The following CCAR1 variants were observed in gnomAD, a reference collection of about 807,000 sequenced individuals.
CCAR1 encodes the protein cell division cycle and apoptosis regulator 1.
Under a neutral mutation model 163.8 loss-of-function variants are expected in CCAR1, and 78 were observed. The ratio of observed to expected loss-of-function variants is 0.48; its 90% CI spans 0.40 to 0.57. CCAR1 has a LOEUF of 0.57. CCAR1 is among the 20% of genes least tolerant of loss of function. The pLI, the probability that CCAR1 is intolerant of heterozygous loss-of-function variation, is 0.00. For synonymous variants in CCAR1, 443 were observed against 460.7 expected (o/e 0.96, Z 0.49); for missense variants, 1,019 against 1,365.2 (o/e 0.75, Z 4.00).
rs1265830731 is a variant in CCAR1 at position 68,786,325 on chromosome 10, A to C, written c.2733+107A>C. On this transcript the variant is annotated intron_variant, in intron 20 of 24. Transcript: ENST00000265872. ...TCCTTATACATCTTTATTACCACTA[A>C]GTAAAATTCTGTCAGTTGTTTTTTT... 3.5e-6 allele frequency: 3 copies of C among 862,866 alleles called. No homozygotes were observed. The African/African-American group carries it at 5.1e-5, about 15-fold the overall frequency. 53.5% of individuals were successfully genotyped at this position (862,866 alleles called of 1,614,324 possible). A position where few individuals can be genotyped will look rare whatever the true frequency, so the allele number is the denominator to read the frequency against.
rs780278381 is a variant in CCAR1 at position 68,756,310 on chromosome 10, G to A, written c.1663G>A (p.Glu555Lys). 1.2e-6 allele frequency: 2 copies of A among 1,614,054 alleles called. No individual in the cohort carries two copies. The highest frequency in any genetic ancestry group is 1.7e-6 in the Non-Finnish European group (2 of 1,180,010). ...FAEIRYHRPE[E>K]THKGRTVPAH... ...AGAGATTCGCTACCATCGCCCTGAG[G>A]AGACCCACAAGGGGCGTACAGTTCC... Residue 555 changes from glutamate (E) to lysine (K), a missense_variant, in exon 14 of 25, where the codon GAG becomes AAG. Around this residue, in one of 4 missense-constraint regions of CCAR1, gnomAD observed 644 missense variants for 904.4 expected, o/e 0.71. Coordinates refer to ENST00000265872, the MANE Select transcript of CCAR1 (RefSeq NM_018237.4). The surrounding 1 kb of genome is among the most constrained non-coding windows in gnomAD (Gnocchi z 5.1).
chr10:68,765,052 AC>A (rs2133385189), intron 16 of CCAR1, among the ~76,000 whole-genome samples: 1 of 151,890 alleles, frequency 6.6e-6, no homozygotes, highest in East Asian at 1.9e-4. Flanking sequence ...TTCTGCTCTT[AC>A]GTTTTGTTGT....
intron 15 of CCAR1, chr10:68,760,769 CAGG>C (rs1335482375): frequency 1.2e-5 from 3 of 257,454 alleles, no homozygotes; most frequent in South Asian, 1.6e-4. Context: ...GGGGCTGAGA[CAGG>C]AGAATTGCTT....
chr10:68,754,317 T>C (rs1005660147), intron 11 of CCAR1, among the ~76,000 whole-genome samples: 1 of 152,188 alleles, frequency 6.6e-6, no homozygotes, highest in Non-Finnish European at 1.5e-5. Flanking sequence ...GAAGATAAAG[T>C]TGATATTAAT....
intron 6 of CCAR1, among the ~76,000 whole-genome samples, chr10:68,743,985 G>A (rs1424511235): frequency 6.6e-5 from 10 of 152,070 alleles, no homozygotes; most frequent in African/African-American, 2.2e-4. Flanking sequence ...TCCTGACCTC[G>A]TCATCCACCT....
chr10:68,774,901 T>G (rs2056645072), intron 19 of CCAR1: 1 of 379,466 alleles, frequency 2.6e-6, no homozygotes, highest in South Asian at 2.0e-5. Flanking sequence ...AAAAATTATA[T>G]TTTTCTGATA....
intron 13 of CCAR1, 72 bp downstream of exon 13, chr10:68,755,608 CT>C: frequency 9.1e-6 from 12 of 1,317,640 alleles, no homozygotes; most frequent in South Asian, 3.3e-5. Context: ...ATCGATCAGC[CT>C]TTTCCCCCCG....
chr10:68,782,687 C>T (rs1229544372), intron 19 of CCAR1, among the ~76,000 whole-genome samples: 1 of 152,058 alleles, frequency 6.6e-6, no homozygotes, highest in African/African-American at 2.4e-5. Flanking sequence ...AATCTTAAGC[C>T]CCTTAAAAAT....
intron 19 of CCAR1, among the ~76,000 whole-genome samples, chr10:68,778,368 C>G (rs899346790): frequency 2.6e-5 from 4 of 152,174 alleles, no homozygotes; most frequent in African/African-American, 9.6e-5. Context: ...GCAGTTCTTT[C>G]TGCTAGCAGG....
At chr10:68,723,288 ATTT>A (rs71474434) in intron 2 of CCAR1, among the ~76,000 whole-genome samples, 1 of 138,456 alleles carries the variant, frequency 7.2e-6, no homozygotes, top group Non-Finnish European at 1.6e-5. Flanking sequence ...CGCCCGGCTA[ATTT>A]TTTTTTTTTT....
chr10:68,741,080 ATT>A (rs1383588714), intron 5 of CCAR1, among the ~76,000 whole-genome samples: 2 of 151,286 alleles, frequency 1.3e-5, no homozygotes, highest in Non-Finnish European at 2.9e-5. Context: ...CGCCTGGCTG[ATT>A]TTTGTATTTT....
chr10:68,776,663 C>G lies in CCAR1; in HGVS notation c.2650+3564C>G, dbSNP rs186301187. Among the ~76,000 whole-genome samples the G allele has an allele frequency of 1.5e-3, 222 of 152,332 alleles. No individual in the cohort carries two copies. The Middle Eastern group carries it at 0.017, about 12-fold the overall frequency. On this transcript the variant is annotated intron_variant, in intron 19 of 24. Transcript: ENST00000265872. ...GAAACTTCTAGGCTTAAGCAGTCCT[C>G]CTCCTCAGCTTCCTGAGTGGCTGGG...
intron 17 of CCAR1, among the ~76,000 whole-genome samples, chr10:68,768,882 C>G (rs1393372070): frequency 6.6e-6 from 1 of 152,152 alleles, no homozygotes; most frequent in Non-Finnish European, 1.5e-5. Context: ...ATTGCATTAT[C>G]CTTTATAATC....
intron 13 of CCAR1, 61 bp downstream of exon 13, chr10:68,755,597 TATCGATC>T: frequency 7.1e-7 from 1 of 1,415,160 alleles, no homozygotes; most frequent in Non-Finnish European, 9.7e-7. Context: ...TAGTTGTTCT[TATCGATC>T]AGCCTTTTCC....
At chr10:68,771,468 A>G in intron 18 of CCAR1, 23 bp downstream of exon 18, 1 of 1,543,558 alleles carries the variant, frequency 6.5e-7, no homozygotes. Flanking sequence ...AACCTGCTTT[A>G]GAAGCTTTCA....
chr10:68,762,619 T>A lies in CCAR1; in HGVS notation c.2106+1427T>A, dbSNP rs559633837. ...ACCAGTAATTGGATAAGCCACATAA[T>A]CAGTTTCTAAATCTTATACATTGTA... On this transcript the variant is annotated intron_variant, in intron 16 of 24. Transcript: ENST00000265872. Among the ~76,000 whole-genome samples, 29 of 152,350 alleles carry A rather than the reference T, an allele frequency of 1.9e-4. No homozygotes were observed. In the South Asian group the frequency reaches 5.4e-3, roughly 28 times the overall value.
intron 2 of CCAR1, among the ~76,000 whole-genome samples, chr10:68,733,076 C>T (rs1315674272): frequency 6.6e-6 from 1 of 152,144 alleles, no homozygotes; most frequent in African/African-American, 2.4e-5. Flanking sequence ...TTTATCCTTT[C>T]TCCCTACCTA....
At chr10:68,740,206 AT>A (rs1328825967) in intron 4 of CCAR1, among the ~76,000 whole-genome samples, 1 of 152,194 alleles carries the variant, frequency 6.6e-6, no homozygotes, top group East Asian at 1.9e-4. Context: ...TGTGGATGCT[AT>A]TCCTGGGAAA....
At chr10:68,749,003 TA>T in intron 8 of CCAR1, 132 bp from the exon 9 acceptor site, 1 of 1,009,608 alleles carries the variant, frequency 9.9e-7, no homozygotes, top group Non-Finnish European at 1.4e-6. Context: ...AAAATATATA[TA>T]AATTAGGCCA....
Sources: allele counts gnomAD v4.1 joint callset (sites outside exome capture counted in the v4.1 genomes callset), GRCh38; gene constraint gnomAD v4.1.1; regional missense constraint gnomAD v4.1.1; non-coding constraint Gnocchi (gnomAD v3.1); transcripts MANE v1.5; gene names NCBI Gene and HGNC (gene_info 2026-07-23, HGNC 2026-07-21).